GDPD4: variants seen among roughly 807,000 people sequenced by gnomAD.
GDPD4 encodes glycerophosphodiester phosphodiesterase 6.
A neutral mutation model predicts 67.8 loss-of-function variants in GDPD4; 60 were observed. The ratio of observed to expected loss-of-function variants is 0.88; its 90% CI spans 0.72 to 1.10. The LOEUF (loss-of-function observed/expected upper bound fraction) is 1.10. GDPD4 is among the 50% of genes least tolerant of loss of function. The pLI is 0.00. For missense variants in GDPD4, 623 were observed against 613.9 expected, an observed-to-expected ratio of 1.01 and a Z score of -0.16; for synonymous variants, 212 against 210.9, an observed-to-expected ratio of 1.00 and a Z score of -0.04.
At chr11:77,238,584 C>CAA (rs199508047) in intron 13 of GDPD4, among the ~76,000 whole-genome samples, 5 of 117,996 alleles carry the variant, frequency 4.2e-5, no homozygotes, top group South Asian at 5.8e-4. Flanking sequence ...AACTCCGTCT[C>CAA]AAAAAAAAAA....
intron 11 of GDPD4, among the ~76,000 whole-genome samples, chr11:77,258,119 T>C (rs926469002): frequency 3.9e-5 from 6 of 152,218 alleles, no homozygotes; most frequent in Non-Finnish European, 8.8e-5. Flanking sequence ...TAAAAGCTTA[T>C]GAAATATTTG....
intron 11 of GDPD4, among the ~76,000 whole-genome samples, chr11:77,249,663 C>T (rs1215261747): frequency 6.6e-6 from 1 of 152,138 alleles, no homozygotes; most frequent in African/African-American, 2.4e-5. Flanking sequence ...AACCAGTGCT[C>T]GGGTAGGAAA....
chr11:77,300,778 T>C (rs139051592), intron 1 of GDPD4, among the ~76,000 whole-genome samples: 32 of 152,310 alleles, frequency 2.1e-4, no homozygotes, highest in Admixed American at 2.1e-3. Flanking sequence ...ATTGCACATT[T>C]GGGAATTAAA....
chr11:77,216,722 C>T lies in GDPD4; in HGVS notation c.*555G>A, dbSNP rs1958127468. On this transcript the variant is annotated 3_prime_UTR_variant, in exon 17 of 17. Transcript: ENST00000315938. ...AGATGCATTCTTGATAGCGAGAGCACAATGGTTCCCCTGAGAGCCTCCGTG... is the reference window on the plus strand; with the variant it reads ...AGATGCATTCTTGATAGCGAGAGCATAATGGTTCCCCTGAGAGCCTCCGTG... 1.7e-6 allele frequency: 1 copy of T among 586,134 alleles called. No homozygotes were observed. Among genetic ancestry groups the T allele is most frequent in the Non-Finnish European group, 3.0e-6 (1 of 330,254 alleles). The allele number at this position is 586,134 out of a possible 1,614,324, so 36.3% of individuals were successfully genotyped here.
chr11:77,243,128 GTTATT>G (rs1250507061), intron 13 of GDPD4, among the ~76,000 whole-genome samples: 3 of 152,112 alleles, frequency 2.0e-5, no homozygotes, highest in Non-Finnish European at 4.4e-5. Flanking sequence ...GTTTGGAAAA[GTTATT>G]TTATTCCCAG....
At chr11:77,294,628 G>T (rs560956846) in intron 1 of GDPD4, among the ~76,000 whole-genome samples, 42 of 151,948 alleles carry the variant, frequency 2.8e-4, no homozygotes, top group Non-Finnish European at 2.1e-4. Context: ...GACTTTTTTT[G>T]TAGAAATCAA....
intron 4 of GDPD4, 133 bp from the exon 5 acceptor site, chr11:77,276,353 T>A: frequency 1.4e-6 from 1 of 712,966 alleles, no homozygotes; most frequent in Non-Finnish European, 2.5e-6. Flanking sequence ...TGTACTTTAT[T>A]TAGCCTCTGG....
chr11:77,227,978 G>A (rs1021810506), intron 15 of GDPD4, 62 bp from the exon 16 acceptor site: 7 of 1,099,548 alleles, frequency 6.4e-6, no homozygotes, highest in East Asian at 2.3e-5. Flanking sequence ...CTCTTCTAAC[G>A]TTCCTCCTCC....
chr11:77,231,288 C>T (rs1958449129), intron 14 of GDPD4, among the ~76,000 whole-genome samples: 1 of 152,170 alleles, frequency 6.6e-6, no homozygotes, highest in African/African-American at 2.4e-5. Context: ...GTTTCTACTG[C>T]ACTATTATTA....
intron 10 of GDPD4, among the ~76,000 whole-genome samples, chr11:77,263,445 A>G (rs1194626167): frequency 6.6e-6 from 1 of 152,178 alleles, no homozygotes; most frequent in Non-Finnish European, 1.5e-5. Flanking sequence ...CTGAAAAAAA[A>G]GAAAAGAGGT....
chr11:77,273,925 T>A (rs1032109666), intron 5 of GDPD4, among the ~76,000 whole-genome samples: 4 of 152,218 alleles, frequency 2.6e-5, no homozygotes, highest in African/African-American at 9.6e-5. Flanking sequence ...GTGGCCATCC[T>A]GTATGCCTGA....
At chr11:77,218,839 G>T (rs530306236) in intron 16 of GDPD4, among the ~76,000 whole-genome samples, 1 of 26,382 alleles carries the variant, frequency 3.8e-5, no homozygotes. Context: ...GAATAGTGCC[G>T]CAATAAACAA....
chr11:77,258,030 T>C (rs1469123546), intron 11 of GDPD4, among the ~76,000 whole-genome samples: 1 of 152,192 alleles, frequency 6.6e-6, no homozygotes, highest in Non-Finnish European at 1.5e-5. Flanking sequence ...ATTTGTTGAA[T>C]GGCAAGCAGA....
chr11:77,289,419 A>G (rs1051675356), intron 1 of GDPD4, among the ~76,000 whole-genome samples: 12 of 148,368 alleles, frequency 8.1e-5, no homozygotes, highest in South Asian at 6.7e-4. Context: ...CAGAGAGAGA[A>G]AGAGAGAGAG....
chr11:77,285,269 C>T, intron 2 of GDPD4, 82 bp from the exon 3 acceptor site: 1 of 693,296 alleles, frequency 1.4e-6, no homozygotes, highest in Non-Finnish European at 2.5e-6. Context: ...TGCCAAAGGT[C>T]AGCATAGTTG....
At chr11:77,297,085 C>G (rs968654129) in intron 1 of GDPD4, among the ~76,000 whole-genome samples, 2 of 150,830 alleles carry the variant, frequency 1.3e-5, no homozygotes, top group African/African-American at 4.9e-5. Flanking sequence ...AAAAAAATTC[C>G]TTTAGAGTTT....
At chr11:77,259,773 C>G (rs1204497128) in intron 10 of GDPD4, among the ~76,000 whole-genome samples, 1 of 152,108 alleles carries the variant, frequency 6.6e-6, no homozygotes, top group African/African-American at 2.4e-5. Context: ...TATGCAAAAA[C>G]AAACACACAG....
intron 16 of GDPD4, among the ~76,000 whole-genome samples, chr11:77,222,047 C>T (rs1461465885): frequency 6.6e-6 from 1 of 152,076 alleles, no homozygotes; most frequent in Non-Finnish European, 1.5e-5. Context: ...AGGATTGCAA[C>T]CCCTGCTTTT....
In GDPD4 at chr11:77,276,204, A is replaced by T. The variant is rs747932499; in HGVS notation, c.164T>A (p.Leu55Ter). ...SSLLLLLGFL[L>*]LWERIELYLH... Reference sequence around the variant, plus strand: ...GTATAGTTCAATCCTTTCCCAAAGCAACAAAAATCCAAGTAACTGCAAAAG... The same window carrying T: ...GTATAGTTCAATCCTTTCCCAAAGCTACAAAAATCCAAGTAACTGCAAAAG... Residue 55 changes from leucine to a stop codon, truncating the protein, a stop_gained, in exon 5 of 17, where the codon TTG (leucine) becomes TAG (stop). Transcript: ENST00000315938. LOFTEE classifies it high-confidence loss of function. 12 of 1,613,848 alleles carry T rather than the reference A, an allele frequency of 7.4e-6. No individual in the cohort carries two copies. The highest frequency in any genetic ancestry group is 8.5e-6 in the Non-Finnish European group (10 of 1,179,720).
Sources: gnomAD v4.1 joint callset for allele counts (sites outside exome capture counted in the v4.1 genomes callset) on GRCh38, gnomAD v4.1.1 for gene constraint, MANE v1.5 for transcripts, NCBI Gene and HGNC (gene_info 2026-07-23, HGNC 2026-07-21) for gene names.